Variants in CDH20 observed in about 807,000 individuals in gnomAD.
CDH20 encodes the protein cadherin 20.
A neutral mutation model predicts 74.2 loss-of-function variants in CDH20; 29 were observed. The observed-to-expected ratio is 0.39, with a 90% CI of 0.29 to 0.53. The LOEUF (loss-of-function observed/expected upper bound fraction) is 0.53. Ranked by LOEUF, CDH20 falls within the 20% of genes least tolerant of loss-of-function variation. CDH20 has a pLI of 0.69. For synonymous variants in CDH20, 469 were observed against 405.4 expected (o/e 1.16, Z -1.88); for missense variants, 988 against 1,048.3 (o/e 0.94, Z 0.79).
rs1028937056 is a variant in CDH20 at position 61,448,196 on chromosome 18, T to C, written c.-152-42206T>C. Among the ~76,000 whole-genome samples the C allele has an allele frequency of 3.3e-5, 5 of 152,312 alleles. No individual in the cohort carries two copies. The South Asian group carries it at 1.0e-3, about 32-fold the overall frequency. On this transcript the variant is annotated intron_variant, in intron 1 of 11. Transcript: ENST00000262717. ...ATATCAAAAAGGAAAAGAATAGACA[T>C]GTTCAGGACAGTTCAACTCCTCTCA...
intron 5 of CDH20, among the ~76,000 whole-genome samples, chr18:61,506,405 G>T (rs1366709011): frequency 6.6e-6 from 1 of 152,152 alleles, no homozygotes; most frequent in Admixed American, 6.5e-5. Context: ...TGAGCTGGCT[G>T]GGTGCTGTCA....
rs373163163 is a variant in CDH20 at position 61,421,737 on chromosome 18, T to A, written c.-152-68665T>A. Among the ~76,000 whole-genome samples the A allele has an allele frequency of 2.6e-5, 4 of 152,176 alleles. No individual in the cohort carries two copies. In the East Asian group the frequency reaches 7.7e-4, roughly 29 times the overall value. The stretch of plus-strand genomic sequence containing the variant: ...TATATGAATGTATCAAATTATCACA[T>A]GTACCTCAAAAATATGTATACCTAA... On this transcript the variant is annotated intron_variant, in intron 1 of 11. Coordinates refer to ENST00000262717, the MANE Select transcript of CDH20 (RefSeq NM_031891.4).
rs781172710 is a variant in CDH20, at chr18:61,554,460, G to C, written c.2171G>C (p.Ser724Thr). Residue 724 changes from serine to threonine, a missense_variant, in exon 12 of 12, where the codon AGC becomes ACC. Transcript: ENST00000262717. ...QTCAVNSTVH[S>T]YVLAKLYEAD... ...TGCGCAGTGAACAGCACTGTCCACA[G>C]CTACGTGCTGGCCAAGCTCTACGAG... 6.2e-7 allele frequency: 1 copy of C among 1,613,326 alleles called. No individual in the cohort carries two copies. Among genetic ancestry groups the C allele is most frequent in the Non-Finnish European group, 8.5e-7 (1 of 1,179,920 alleles).
intron 1 of CDH20, among the ~76,000 whole-genome samples, chr18:61,399,015 T>A (rs1912076088): frequency 3.3e-5 from 5 of 152,182 alleles, no homozygotes; most frequent in Admixed American, 3.3e-4. Context: ...AGGGTTGTCA[T>A]GGGTAAATGA....
intron 1 of CDH20, among the ~76,000 whole-genome samples, chr18:61,438,615 T>G (rs1457666647): frequency 6.6e-6 from 1 of 152,100 alleles, no homozygotes; most frequent in Non-Finnish European, 1.5e-5. Context: ...CAGATGCTGG[T>G]GAGGCTATGG....
In CDH20 at chr18:61,554,638, C is replaced by T; in HGVS notation, c.2349C>T (p.Arg783=). ...SFDFLTDWGP[R]FRKLAELYGA... ...ACTTCCTGACGGACTGGGGGCCCCG[C>T]TTCCGGAAGCTGGCCGAGCTCTACG... The change falls in exon 12 of 12, where the codon CGC becomes CGT. Residue 783 remains arginine (R), a synonymous_variant. Transcript: ENST00000262717. The T allele has an allele frequency of 6.2e-7, 1 of 1,601,080 alleles. No individual in the cohort carries two copies. The highest frequency in any genetic ancestry group is 8.5e-7 in the Non-Finnish European group (1 of 1,174,282).
intron 3 of CDH20, 42 bp from the exon 4 acceptor site, chr18:61,500,341 G>T (rs1229758392): frequency 1.3e-6 from 2 of 1,592,150 alleles, no homozygotes; most frequent in South Asian, 2.3e-5. Flanking sequence ...CCAGCCTTTA[G>T]CTATTAGACT....
At chr18:61,518,307 C>T (rs1486629587) in intron 6 of CDH20, among the ~76,000 whole-genome samples, 1 of 152,152 alleles carries the variant, frequency 6.6e-6, no homozygotes, top group African/African-American at 2.4e-5. Context: ...CCTTGACCCC[C>T]GTGCCTCCTG....
At chr18:61,386,360 C>G (rs552606774) in intron 1 of CDH20, among the ~76,000 whole-genome samples, 3 of 152,278 alleles carry the variant, frequency 2.0e-5, no homozygotes, top group Non-Finnish European at 2.9e-5. Flanking sequence ...GAGAGACACT[C>G]TCACCCTTCC....
intron 7 of CDH20, 137 bp downstream of exon 7, chr18:61,528,357 T>C: frequency 4.4e-6 from 4 of 917,090 alleles, no homozygotes; most frequent in Non-Finnish European, 6.6e-6. Flanking sequence ...GTTTTTTGTG[T>C]TGTTTTTTTT....
At chr18:61,468,431 A>T (rs1357008113) in intron 1 of CDH20, among the ~76,000 whole-genome samples, 7 of 152,006 alleles carry the variant, frequency 4.6e-5, no homozygotes, top group Non-Finnish European at 8.8e-5. Context: ...TAGGTGTGTG[A>T]GTGTGTGTGT....
intron 7 of CDH20, among the ~76,000 whole-genome samples, chr18:61,534,232 G>A (rs1299720600): frequency 2.6e-5 from 4 of 152,146 alleles, no homozygotes; most frequent in African/African-American, 4.8e-5. Flanking sequence ...AACATGAAAC[G>A]TAAGTGTTGG....
chr18:61,411,810 A>AT (rs1912519689), intron 1 of CDH20, among the ~76,000 whole-genome samples: 2 of 152,150 alleles, frequency 1.3e-5, no homozygotes, highest in South Asian at 4.1e-4. Flanking sequence ...CTGCAAAAGC[A>AT]TAAGAATGAT....
At chr18:61,539,647 T>C (rs966280377) in intron 9 of CDH20, among the ~76,000 whole-genome samples, 2 of 152,162 alleles carry the variant, frequency 1.3e-5, no homozygotes, top group Admixed American at 6.5e-5. Context: ...AGGAAAAAGC[T>C]ACTCTTTTCC....
intron 1 of CDH20, among the ~76,000 whole-genome samples, chr18:61,485,840 G>A (rs948874327): frequency 4.6e-5 from 7 of 152,098 alleles, no homozygotes; most frequent in Non-Finnish European, 7.4e-5. Context: ...TTGGGAGGCC[G>A]AGGTGGGCGG....
intron 1 of CDH20, among the ~76,000 whole-genome samples, chr18:61,387,545 G>A (rs545782732): frequency 6.6e-6 from 1 of 152,308 alleles, no homozygotes; most frequent in South Asian, 2.1e-4. Flanking sequence ...ATTCATTAAA[G>A]TCGGCTAAAT....
chr18:61,496,355 G>A (rs963102592), intron 2 of CDH20, among the ~76,000 whole-genome samples: 3 of 142,172 alleles, frequency 2.1e-5, no homozygotes, highest in Non-Finnish European at 4.5e-5. Context: ...CATGCAGACC[G>A]GTGCTCCGAA....
rs1913200412 is a variant in CDH20, at chr18:61,545,216, T to C, written c.1648+72T>C. 22 of 899,986 alleles carry C rather than the reference T, an allele frequency of 2.4e-5. 1 individual carries two copies. The South Asian group carries it at 2.9e-4, about 12-fold the overall frequency. The allele number at this position is 899,986 out of a possible 1,614,324, so 55.8% of individuals were successfully genotyped here. A position where few individuals can be genotyped will look rare whatever the true frequency, so the allele number is the denominator to read the frequency against. ...CCAGCTACTTTGGGTTACTGTCTTATGCAAACAGTGTCAAAGGCTACCTGT... is the reference window on the plus strand; with the variant it reads ...CCAGCTACTTTGGGTTACTGTCTTACGCAAACAGTGTCAAAGGCTACCTGT... On this transcript the variant is annotated intron_variant, in intron 10 of 11. Coordinates refer to ENST00000262717, the MANE Select transcript of CDH20 (RefSeq NM_031891.4).
chr18:61,399,975 T>A (rs1340939299), intron 1 of CDH20, among the ~76,000 whole-genome samples: 2 of 152,238 alleles, frequency 1.3e-5, no homozygotes, highest in Non-Finnish European at 2.9e-5. Flanking sequence ...TCATGCTGAA[T>A]CTTTATTTTT....
Sources: allele counts gnomAD v4.1 joint callset (sites outside exome capture counted in the v4.1 genomes callset), GRCh38; gene constraint gnomAD v4.1.1; transcripts MANE v1.5; gene names NCBI Gene and HGNC (gene_info 2026-07-23, HGNC 2026-07-21).